Variants in SV2C observed in about 807,000 individuals in gnomAD.
The protein encoded by SV2C is synaptic vesicle glycoprotein 2C.
A neutral mutation model predicts 79.7 loss-of-function variants in SV2C; 49 were observed. That is an observed-to-expected ratio of 0.61 (90% CI 0.49 to 0.78). The LOEUF is 0.78. SV2C is among the 30% of genes least tolerant of loss of function. The pLI, the probability that SV2C is intolerant of heterozygous loss-of-function variation, is 0.00. For synonymous variants in SV2C, 334 were observed against 333.2 expected (o/e 1.00, Z -0.03); for missense variants, 833 against 912.9 (o/e 0.91, Z 1.13).
the SV2C span, among the ~76,000 whole-genome samples, chr5:75,941,817 A>T: frequency 1.3e-5 from 2 of 152,142 alleles, no homozygotes; most frequent in African/African-American, 2.4e-5. Context: ...TTGGAGCTGG[A>T]CATAAATAAA....
chr5:76,302,333 A>AAAAC (rs897244279), intron 12 of SV2C, among the ~76,000 whole-genome samples: 1 of 152,154 alleles, frequency 6.6e-6, no homozygotes, highest in African/African-American at 2.4e-5. Flanking sequence ...CTAGTTATAA[A>AAAAC]AAACAATTGT....
chr5:75,967,198 A>G, the SV2C span, among the ~76,000 whole-genome samples: 2 of 152,184 alleles, frequency 1.3e-5, no homozygotes, highest in East Asian at 1.9e-4. Flanking sequence ...TTAGCCAAGT[A>G]TGGGTGGAGC....
chr5:76,045,030 A>G, the SV2C span, among the ~76,000 whole-genome samples: 1 of 151,942 alleles, frequency 6.6e-6, no homozygotes, highest in Non-Finnish European at 1.5e-5. Context: ...ATTTTTTTCT[A>G]GGGTTATAGT....
At chr5:76,172,009 C>G (rs1743295589) in intron 2 of SV2C, among the ~76,000 whole-genome samples, 1 of 126,284 alleles carries the variant, frequency 7.9e-6, no homozygotes, top group East Asian at 2.5e-4. Context: ...CTCCGCCCGG[C>G]CAGCCGCCCC....
At chr5:75,884,687 G>C in the SV2C span, among the ~76,000 whole-genome samples, 1 of 152,004 alleles carries the variant, frequency 6.6e-6, no homozygotes, top group Non-Finnish European at 1.5e-5. Context: ...AAATGTTTAA[G>C]GTGATGGATA....
In SV2C at chr5:76,150,070, C is replaced by T. The variant is rs546618292; in HGVS notation, c.580+17740C>T. 8.5e-5 allele frequency among the ~76,000 whole-genome samples: 13 copies of T among 152,328 alleles called. No individual in the cohort carries two copies. The South Asian group carries it at 1.5e-3, about 17-fold the overall frequency. On this transcript the variant is annotated intron_variant, in intron 2 of 12. Coordinates refer to ENST00000502798, the MANE Select transcript of SV2C (RefSeq NM_014979.4). ...AAAATCGAAAGAGTTAATCAAACTG[C>T]TCACAAGGACAAAAGAAAGTCCTGC...
At chr5:75,995,417 A>T in the SV2C span, among the ~76,000 whole-genome samples, 71 of 152,254 alleles carry the variant, frequency 4.7e-4, no homozygotes, top group Middle Eastern at 3.4e-3. Context: ...AGAGTATATT[A>T]TATTGCTTCC....
At chr5:75,953,628 C>CTAGCTAT in the SV2C span, among the ~76,000 whole-genome samples, 4 of 151,906 alleles carry the variant, frequency 2.6e-5, no homozygotes, top group African/African-American at 9.7e-5. Context: ...ATATATGCTA[C>CTAGCTAT]AGGCTAGAAG....
the SV2C span, among the ~76,000 whole-genome samples, chr5:75,909,740 A>C: frequency 6.6e-6 from 1 of 152,224 alleles, no homozygotes. Flanking sequence ...ACTGTTAAAT[A>C]TGCAAACCAA....
At chr5:76,207,196 C>T (rs916370653) in intron 3 of SV2C, among the ~76,000 whole-genome samples, 6 of 151,804 alleles carry the variant, frequency 4.0e-5, no homozygotes, top group African/African-American at 1.5e-4. Flanking sequence ...GAAATTATAG[C>T]CACACCGAAG....
At chr5:76,286,079 G>A (rs1747348319) in intron 6 of SV2C, among the ~76,000 whole-genome samples, 1 of 152,332 alleles carries the variant, frequency 6.6e-6, no homozygotes, top group African/African-American at 2.4e-5. Context: ...ACAGAGACAG[G>A]CAGAGGGCTG....
At chr5:75,902,169 C>T in the SV2C span, among the ~76,000 whole-genome samples, 99 of 152,082 alleles carry the variant, frequency 6.5e-4, no homozygotes, top group Admixed American at 3.9e-3. Flanking sequence ...AGAAATCACC[C>T]GTCTTCTTTG....
the SV2C span, among the ~76,000 whole-genome samples, chr5:75,955,846 A>T: frequency 6.6e-6 from 1 of 152,074 alleles, no homozygotes; most frequent in Non-Finnish European, 1.5e-5. Flanking sequence ...CCACAATGAG[A>T]TACCATCTCA....
intron 4 of SV2C, among the ~76,000 whole-genome samples, chr5:76,244,498 A>G (rs1561281223): frequency 1.3e-5 from 2 of 152,228 alleles, no homozygotes; most frequent in Non-Finnish European, 2.9e-5. Flanking sequence ...TCTTATAATT[A>G]CCTTATTTTA....
chr5:76,347,073 A>G (rs1749559095), intron 12 of SV2C, among the ~76,000 whole-genome samples: 1 of 152,054 alleles, frequency 6.6e-6, no homozygotes, highest in African/African-American at 2.4e-5. Context: ...AGAGGGGGGA[A>G]AAACAGAAGT....
At chr5:76,313,249 T>C (rs1307076757) in intron 12 of SV2C, among the ~76,000 whole-genome samples, 1 of 152,238 alleles carries the variant, frequency 6.6e-6, no homozygotes, top group African/African-American at 2.4e-5. Context: ...TGTGAAGATT[T>C]TGGTACAGAG....
intron 3 of SV2C, among the ~76,000 whole-genome samples, chr5:76,196,050 G>A (rs1049906625): frequency 1.3e-5 from 2 of 152,064 alleles, no homozygotes; most frequent in Non-Finnish European, 2.9e-5. Context: ...GAGGGAAACG[G>A]GGCTGGGTTA....
At chr5:76,081,155 C>A (rs1301697169), upstream of SV2C, among the ~76,000 whole-genome samples, 1 of 152,190 alleles carries the variant, frequency 6.6e-6, no homozygotes, top group African/African-American at 2.4e-5. Flanking sequence ...AATCAACCCA[C>A]TTTAAAAAAA....
the SV2C span, among the ~76,000 whole-genome samples, chr5:76,072,358 T>C: frequency 6.6e-6 from 1 of 152,210 alleles, no homozygotes; most frequent in African/African-American, 2.4e-5. Context: ...TTTAATATTG[T>C]AGAAAATGTG....
Sources: gnomAD v4.1 joint callset for allele counts (sites outside exome capture counted in the v4.1 genomes callset) on GRCh38, gnomAD v4.1.1 for gene constraint, MANE v1.5 for transcripts, NCBI Gene and HGNC (gene_info 2026-07-23, HGNC 2026-07-21) for gene names.